The following FRMD3 variants were observed in gnomAD, a reference collection of about 807,000 sequenced individuals.
The protein encoded by FRMD3 is FERM domain containing 3.
Under a neutral mutation model 70.2 loss-of-function variants are expected in FRMD3, and 33 were observed. That is an observed-to-expected ratio of 0.47 (90% CI 0.36 to 0.63). The LOEUF is 0.63. Ranked by LOEUF, FRMD3 falls within the 20% of genes least tolerant of loss-of-function variation. The pLI, the probability that FRMD3 is intolerant of heterozygous loss-of-function variation, is 0.00. For missense variants in FRMD3, 632 were observed against 711.4 expected (o/e 0.89, Z 1.27); for synonymous variants, 279 against 255.9 (o/e 1.09, Z -0.86).
chr9:83,469,781 G>A (rs1006163360), intron 1 of FRMD3, among the ~76,000 whole-genome samples: 36 of 152,154 alleles, frequency 2.4e-4, no homozygotes, highest in Non-Finnish European at 3.8e-4. Flanking sequence ...TAAAGGCTCC[G>A]TGGTCATACA....
At chr9:83,419,602 G>A (rs571586200) in intron 1 of FRMD3, among the ~76,000 whole-genome samples, 8 of 151,622 alleles carry the variant, frequency 5.3e-5, no homozygotes, top group Non-Finnish European at 7.4e-5. Context: ...TGTGTGCTGC[G>A]TGTGTGATAT....
At position 83,498,097 on chromosome 9, in the gene FRMD3, G is replaced by A. The variant is rs563230717; in HGVS notation, c.147+39988C>T. 2.0e-4 allele frequency among the ~76,000 whole-genome samples: 30 copies of A among 152,238 alleles called. 1 individual carries two copies. The East Asian group carries it at 5.2e-3, about 26-fold the overall frequency. On this transcript the variant is annotated intron_variant, in intron 1 of 13. Coordinates refer to ENST00000304195, the MANE Select transcript of FRMD3 (RefSeq NM_174938.6). ...CAGGAGGTGGAGGTTGCAGTGAGCA[G>A]AGGCAGAGGCTGCAGTGAGCTGAGA...
chr9:83,509,544 G>T (rs1564110205), intron 1 of FRMD3, among the ~76,000 whole-genome samples: 2 of 152,214 alleles, frequency 1.3e-5, no homozygotes, highest in South Asian at 4.1e-4. Context: ...CCCAGGAGCA[G>T]CTCGTTTAAT....
intron 13 of FRMD3, chr9:83,279,554 C>T (rs913821171): frequency 8.6e-5 from 13 of 152,040 alleles, no homozygotes; most frequent in African/African-American, 3.1e-4. Flanking sequence ...CAACCCAAAT[C>T]CCCATCAATG....
chr9:83,498,865 C>T (rs924543807), intron 1 of FRMD3, among the ~76,000 whole-genome samples: 1 of 152,090 alleles, frequency 6.6e-6, no homozygotes, highest in Admixed American at 6.6e-5. Flanking sequence ...TGAGCTAAAA[C>T]TGAGTAAAGC....
At chr9:83,531,725 A>G (rs1829795611) in intron 1 of FRMD3, among the ~76,000 whole-genome samples, 2 of 152,232 alleles carry the variant, frequency 1.3e-5, no homozygotes, top group African/African-American at 2.4e-5. Flanking sequence ...ACATGATAAT[A>G]TCATTCCCAT....
chr9:83,465,505 C>A (rs1253889073), intron 1 of FRMD3, among the ~76,000 whole-genome samples: 2 of 152,226 alleles, frequency 1.3e-5, no homozygotes, highest in African/African-American at 2.4e-5. Context: ...ACAGATTCCA[C>A]ACAAATCCTT....
At chr9:83,291,706 G>A (rs1348721650) in intron 12 of FRMD3, among the ~76,000 whole-genome samples, 29 of 152,054 alleles carry the variant, frequency 1.9e-4, no homozygotes, top group Non-Finnish European at 1.5e-5. Context: ...CACCTTAAGG[G>A]CAGAGACTGA....
At chr9:83,555,977 T>C in the FRMD3 span, among the ~76,000 whole-genome samples, 1 of 152,180 alleles carries the variant, frequency 6.6e-6, no homozygotes, top group Non-Finnish European at 1.5e-5. Context: ...AGGTGAGCTG[T>C]TGTCTTGTCT....
rs979234052 is a variant in FRMD3, at chr9:83,427,964, G to A, written c.148-38256C>T. Among the ~76,000 whole-genome samples the A allele has an allele frequency of 1.2e-4, 19 of 152,170 alleles. No homozygotes were observed. The East Asian group carries it at 1.5e-3, about 12-fold the overall frequency. On this transcript the variant is annotated intron_variant, in intron 1 of 13. Transcript: ENST00000304195. ...TGCTAACAGGAGCATAAGTAAGCGC[G>A]ACCAGTTTAGAAAACAACTTGTCAT...
the FRMD3 span, among the ~76,000 whole-genome samples, chr9:83,557,722 A>AT: frequency 6.6e-6 from 1 of 152,224 alleles, no homozygotes; most frequent in Non-Finnish European, 1.5e-5. Flanking sequence ...CAGATGAATT[A>AT]TTTGAGGTAA....
At chr9:83,284,294 G>A (rs1442769099) in intron 13 of FRMD3, among the ~76,000 whole-genome samples, 1 of 151,934 alleles carries the variant, frequency 6.6e-6, no homozygotes, top group Admixed American at 6.6e-5. Flanking sequence ...TTCATGGGAC[G>A]TAACACAAAA....
At chr9:83,392,207 C>A (rs1317627493) in intron 1 of FRMD3, among the ~76,000 whole-genome samples, 11 of 152,164 alleles carry the variant, frequency 7.2e-5, no homozygotes, top group Admixed American at 3.9e-4. Flanking sequence ...CTTTGCAGTT[C>A]TGCCCTGGCC....
the FRMD3 span, among the ~76,000 whole-genome samples, chr9:83,577,186 A>G: frequency 7.2e-5 from 11 of 152,238 alleles, no homozygotes; most frequent in African/African-American, 2.2e-4. Flanking sequence ...CCCTATCAAA[A>G]GCCCAGCTGA....
intron 4 of FRMD3, among the ~76,000 whole-genome samples, chr9:83,344,020 T>C (rs78715505): frequency 8.5e-4 from 129 of 152,362 alleles, no homozygotes; most frequent in African/African-American, 3.1e-3. Flanking sequence ...AAGCACTTTG[T>C]CCAGTTTTTC....
intron 3 of FRMD3, among the ~76,000 whole-genome samples, chr9:83,363,421 C>T (rs545405345): frequency 4.5e-4 from 69 of 152,260 alleles, no homozygotes; most frequent in African/African-American, 1.6e-3. Flanking sequence ...AAATTACTGG[C>T]CTTTTTATTG....
chr9:83,261,121 A>ACACACACACACG (rs1378189225), intron 13 of FRMD3, among the ~76,000 whole-genome samples: 1 of 150,872 alleles, frequency 6.6e-6, no homozygotes, highest in African/African-American at 2.4e-5. Flanking sequence ...ACACACACAC[A>ACACACACACACG]CACACACACA....
intron 6 of FRMD3, among the ~76,000 whole-genome samples, chr9:83,320,246 A>G (rs1214513482): frequency 6.6e-6 from 1 of 152,148 alleles, no homozygotes; most frequent in East Asian, 1.9e-4. Flanking sequence ...CTCAGAGGGA[A>G]TGCTTTGAAC....
At chr9:83,551,233 T>G in the FRMD3 span, among the ~76,000 whole-genome samples, 3 of 152,290 alleles carry the variant, frequency 2.0e-5, no homozygotes, top group Admixed American at 2.0e-4. Flanking sequence ...ATTAAGATAA[T>G]CATATGGTTT....
Sources: allele counts gnomAD v4.1 joint callset (sites outside exome capture counted in the v4.1 genomes callset), GRCh38; gene constraint gnomAD v4.1.1; transcripts MANE v1.5; gene names NCBI Gene and HGNC (gene_info 2026-07-23, HGNC 2026-07-21).